Variants in SUMF2 observed in about 807,000 individuals in gnomAD.
The protein encoded by SUMF2 is inactive C-alpha-formylglycine-generating enzyme 2.
Under a neutral mutation model 44.8 loss-of-function variants are expected in SUMF2, and 45 were observed. The ratio of observed to expected loss-of-function variants is 1.00; its 90% CI spans 0.79 to 1.29. The LOEUF (loss-of-function observed/expected upper bound fraction) is 1.29. Among genes scored for constraint, SUMF2 ranks in the 50% most tolerant of loss-of-function variants. The pLI is 0.00. For missense variants in SUMF2, 418 were observed against 389.9 expected (o/e 1.07, Z -0.61); for synonymous variants, 148 against 150.4 (o/e 0.98, Z 0.12).
intron 2 of SUMF2, among the ~76,000 whole-genome samples, chr7:56,071,858 T>C (rs1335523325): frequency 6.6e-6 from 1 of 151,862 alleles, no homozygotes; most frequent in East Asian, 1.9e-4. Flanking sequence ...ATGCCTGCAA[T>C]CCCAGCACTT....
At chr7:56,083,248 T>C, downstream of SUMF2, 1 of 1,610,648 alleles carries the variant, frequency 6.2e-7, no homozygotes, top group South Asian at 1.1e-5. Context: ...ACCCGAGGCC[T>C]GGACGTGGGC....
chr7:56,081,217 A>G (rs767879469), downstream of SUMF2: 21 of 1,613,800 alleles, frequency 1.3e-5, no homozygotes, highest in South Asian at 2.3e-4. This position sits in a 1 kb window ranked among gnomAD's most constrained non-coding sequence, Gnocchi z 4.6. Context: ...GGGGTCTCGG[A>G]TGACGATCTC....
At chr7:56,080,864 G>C (rs554854696), downstream of SUMF2, 3 of 664,300 alleles carry the variant, frequency 4.5e-6, no homozygotes, top group African/African-American at 1.8e-5. Flanking sequence ...AGGTATTGCT[G>C]TGTGGTGGGA....
At chr7:56,080,802 G>T (rs1413417135), downstream of SUMF2, 3 of 542,786 alleles carry the variant, frequency 5.5e-6, no homozygotes, top group Non-Finnish European at 9.9e-6. Flanking sequence ...GGGGGTTCCT[G>T]GTTCTCAGGC....
rs1179545479 is a variant in SUMF2, at chr7:56,080,403, A to G, written c.*791A>G. ...CTCAGCCTCCTGAGTAGCTGGGACT[A>G]CAAGTGTGCACCACCATGCCTGGCT... On this transcript the variant is annotated 3_prime_UTR_variant, in exon 9 of 9. Coordinates refer to ENST00000434526, the MANE Select transcript of SUMF2 (RefSeq NM_015411.4). 6.3e-6 allele frequency: 1 copy of G among 158,238 alleles called. No homozygotes were observed. Among genetic ancestry groups the G allele is most frequent in the African/African-American group, 2.4e-5 (1 of 41,168 alleles). 9.8% of individuals were successfully genotyped at this position (158,238 alleles called of 1,614,324 possible). A position where few individuals can be genotyped will look rare whatever the true frequency, so the allele number is the denominator to read the frequency against.
intron 3 of SUMF2, 185 bp from the exon 4 acceptor site, chr7:56,073,989 T>C: frequency 1.7e-6 from 1 of 597,746 alleles, no homozygotes; most frequent in Non-Finnish European, 2.9e-6. Context: ...CACTCTAGCC[T>C]GAGTGACAGA....
downstream of SUMF2, chr7:56,084,133 G>A (rs765401481): frequency 6.3e-6 from 9 of 1,420,392 alleles, no homozygotes; most frequent in Non-Finnish European, 8.6e-6. Context: ...CGAGCTGGTG[G>A]CCCTGTGAGC....
At chr7:56,073,625 CAG>C (rs1795328076) in intron 3 of SUMF2, 1 of 178,852 alleles carries the variant, frequency 5.6e-6, no homozygotes. Flanking sequence ...GCCTGGGTGA[CAG>C]AGTGAGACTG....
downstream of SUMF2, among the ~76,000 whole-genome samples, chr7:56,082,907 A>C (rs1049602893): frequency 1.3e-5 from 2 of 152,138 alleles, no homozygotes; most frequent in African/African-American, 2.4e-5. Flanking sequence ...GGAGTTCGAG[A>C]CCAGCCTGAC....
At chr7:56,081,099 G>A (rs55793118), downstream of SUMF2, 16 of 1,613,352 alleles carry the variant, frequency 9.9e-6, no homozygotes, top group Non-Finnish European at 1.4e-5. The surrounding 1 kb of genome is among the most constrained non-coding windows in gnomAD (Gnocchi z 4.6). Context: ...CCTTGGGTGT[G>A]TTCTCGAAAA....
At chr7:56,067,208 G>GCTTGTGTAGAGGAAGAAAAGGA (rs975629376) in intron 1 of SUMF2, among the ~76,000 whole-genome samples, 4 of 152,198 alleles carry the variant, frequency 2.6e-5, no homozygotes, top group Non-Finnish European at 5.9e-5. Flanking sequence ...TGGGACAAGG[G>GCTTGTGTAGAGGAAGAAAAGGA]CTTGTGTAGA....
chr7:56,066,891 A>G (rs1463074761), intron 1 of SUMF2, among the ~76,000 whole-genome samples: 5 of 152,232 alleles, frequency 3.3e-5, no homozygotes, highest in African/African-American at 9.6e-5. Context: ...AAGTGCTGGG[A>G]TTCCAGGTGT....
chr7:56,079,803 G>A lies in SUMF2; in HGVS notation c.*191G>A, dbSNP rs1234326181. The stretch of plus-strand genomic sequence containing the variant: ...AGGACTCAGCCTCCTGTGTTTTGGA[G>A]AAGGGGCCCAATGTGTGTTGACGAT... On this transcript the variant is annotated 3_prime_UTR_variant, in exon 9 of 9. Transcript: ENST00000434526. 3 of 1,552,972 alleles carry A rather than the reference G, an allele frequency of 1.9e-6. No individual in the cohort carries two copies. Among genetic ancestry groups the A allele is most frequent in the Non-Finnish European group, 2.6e-6 (3 of 1,147,468 alleles).
intron 5 of SUMF2, 142 bp from the exon 6 acceptor site, chr7:56,076,692 T>A: frequency 1.4e-6 from 1 of 711,152 alleles, no homozygotes. Flanking sequence ...AGGATGGGCA[T>A]GGCAAATAAA....
At chr7:56,070,035 A>C (rs1272296512) in intron 2 of SUMF2, among the ~76,000 whole-genome samples, 1 of 151,910 alleles carries the variant, frequency 6.6e-6, no homozygotes, top group Non-Finnish European at 1.5e-5. Context: ...CAGCCTCCTG[A>C]GTAGCTGGGA....
At chr7:56,074,070 C>CTGAG in intron 3 of SUMF2, 104 bp from the exon 4 acceptor site, 1 of 875,690 alleles carries the variant, frequency 1.1e-6, no homozygotes, top group Non-Finnish European at 1.9e-6. Flanking sequence ...CTTAGACCAC[C>CTGAG]TGAGTCTCAG....
downstream of SUMF2, chr7:56,083,549 C>T (rs73126333): frequency 0.042 from 63,710 of 1,508,922 alleles, 1,858 homozygotes; most frequent in Admixed American, 0.12. Flanking sequence ...GCACACACGC[C>T]CAGCCCAGAC....
downstream of SUMF2, chr7:56,083,342 G>A: frequency 6.2e-7 from 1 of 1,614,146 alleles, no homozygotes; most frequent in Non-Finnish European, 8.5e-7. Flanking sequence ...TGATGTTCAT[G>A]TTGTCATCCA....
At chr7:56,078,740 G>A (rs377042534) in intron 8 of SUMF2, among the ~76,000 whole-genome samples, 1 of 152,122 alleles carries the variant, frequency 6.6e-6, no homozygotes, top group Non-Finnish European at 1.5e-5. Flanking sequence ...GCCAGCTCTT[G>A]GTACCCAGGG....
Sources: allele counts gnomAD v4.1 joint callset (sites outside exome capture counted in the v4.1 genomes callset), GRCh38; gene constraint gnomAD v4.1.1; non-coding constraint Gnocchi (gnomAD v3.1); transcripts MANE v1.5; gene names NCBI Gene and HGNC (gene_info 2026-07-23, HGNC 2026-07-21).